Variants in PEMT observed in about 807,000 individuals in gnomAD.
PEMT encodes the protein phosphatidylethanolamine N-methyltransferase, also known as phospholipid methyltransferase.
In PEMT, 23 loss-of-function variants were observed where a neutral mutation model predicts 27.4. That is an observed-to-expected ratio of 0.84 (90% CI 0.60 to 1.19). The LOEUF is 1.19. PEMT is among the 50% of genes most tolerant of loss of function. The pLI is 0.00. For missense variants in PEMT, 307 were observed against 310.1 expected (o/e 0.99, Z 0.07); for synonymous variants, 137 against 139.1 (o/e 0.98, Z 0.11).
intron 2 of PEMT, among the ~76,000 whole-genome samples, chr17:17,547,663 C>CTCCTCCTCCTCATCCTCCTCG (rs1386684359): frequency 6.6e-6 from 1 of 151,964 alleles, no homozygotes; most frequent in Non-Finnish European, 1.5e-5. Context: ...CTTCCTCCTC[C>CTCCTCCTCCTCATCCTCCTCG]TCCTCCTCCT....
At chr17:17,574,315 C>CTTTTTTT (rs551467639) in intron 2 of PEMT, among the ~76,000 whole-genome samples, 3 of 110,692 alleles carry the variant, frequency 2.7e-5, no homozygotes, top group African/African-American at 3.6e-5. Flanking sequence ...CTTACTGCAT[C>CTTTTTTT]TTTTTTTTTT....
At chr17:17,517,923 C>T in intron 3 of PEMT, 1 of 967,508 alleles carries the variant, frequency 1.0e-6, no homozygotes, top group Non-Finnish European at 1.2e-6. Flanking sequence ...AGACCACCTT[C>T]CAGAGACCAC....
chr17:17,522,129 T>G (rs1597884661), intron 3 of PEMT, 151 bp downstream of exon 3: 5 of 622,182 alleles, frequency 8.0e-6, no homozygotes, highest in Admixed American at 2.5e-5. Context: ...CTGGGAGGGG[T>G]AGGGTGGCTT....
At chr17:17,545,376 C>T (rs887029963) in intron 2 of PEMT, among the ~76,000 whole-genome samples, 1 of 152,322 alleles carries the variant, frequency 6.6e-6, no homozygotes, top group Non-Finnish European at 1.5e-5. Context: ...ATGCTCCTCA[C>T]AGTGTTCCTG....
chr17:17,540,493 A>G (rs1908804026), intron 2 of PEMT, among the ~76,000 whole-genome samples: 1 of 152,208 alleles, frequency 6.6e-6, no homozygotes, highest in Non-Finnish European at 1.5e-5. Flanking sequence ...GGCAGGTGGC[A>G]GCAGCCACTG....
chr17:17,523,219 T>C lies in PEMT; in HGVS notation c.205-824A>G, dbSNP rs558220111. Among the ~76,000 whole-genome samples the C allele has an allele frequency of 1.3e-5, 2 of 152,234 alleles. No individual in the cohort carries two copies. The highest frequency in any genetic ancestry group is 1.9e-4 in the East Asian group (1 of 5,148). On this transcript the variant is annotated intron_variant, in intron 2 of 6. Transcript: ENST00000255389. The surrounding 1 kb of genome is among the most constrained non-coding windows in gnomAD (Gnocchi z 4.8). ...GGGGTCAGGGGCTGGGCTCTAGGTA[T>C]GTGAGCAAGTTGTCTGTGGGCCCAG...
chr17:17,585,511 C>A (rs1393010905), intron 1 of PEMT, among the ~76,000 whole-genome samples: 1 of 152,154 alleles, frequency 6.6e-6, no homozygotes, highest in Non-Finnish European at 1.5e-5. Flanking sequence ...GGCAAGGTCA[C>A]CAAGTCTGCC....
intron 2 of PEMT, among the ~76,000 whole-genome samples, chr17:17,533,365 T>C (rs1297869966): frequency 6.6e-6 from 1 of 152,186 alleles, no homozygotes; most frequent in East Asian, 1.9e-4. Flanking sequence ...ATGTAAGAGC[T>C]AAAACTATAA....
chr17:17,535,749 A>G (rs1908419636), intron 2 of PEMT, among the ~76,000 whole-genome samples: 1 of 152,182 alleles, frequency 6.6e-6, no homozygotes, highest in Non-Finnish European at 1.5e-5. Flanking sequence ...CAAGAATGAC[A>G]TATTGTGAGA....
At chr17:17,526,269 C>T (rs189187675) in intron 2 of PEMT, among the ~76,000 whole-genome samples, 1 of 152,262 alleles carries the variant, frequency 6.6e-6, no homozygotes, top group Admixed American at 6.5e-5. Flanking sequence ...AAGAGACAGG[C>T]CCAAGGCAAG....
chr17:17,518,381 C>T (rs768052968), intron 3 of PEMT, among the ~76,000 whole-genome samples: 10 of 152,224 alleles, frequency 6.6e-5, no homozygotes, highest in Non-Finnish European at 1.2e-4. Flanking sequence ...GTGCAGGGGG[C>T]AGCTCAGGCA....
chr17:17,584,100 C>T (rs536713841), intron 1 of PEMT, among the ~76,000 whole-genome samples: 162 of 152,306 alleles, frequency 1.1e-3, no homozygotes, highest in African/African-American at 3.6e-3. Context: ...CTGCTCGCCT[C>T]CACGCTGGGC....
At position 17,570,844 on chromosome 17, in the gene PEMT, T is replaced by C. The variant is rs1911148292; in HGVS notation, c.204+6076A>G. 10 of 984,836 alleles carry C rather than the reference T, an allele frequency of 1.0e-5. No individual in the cohort carries two copies. In the South Asian group the frequency reaches 4.2e-4, roughly 42 times the overall value. 61.0% of individuals were successfully genotyped at this position (984,836 alleles called of 1,614,324 possible). A position where few individuals can be genotyped will look rare whatever the true frequency, so the allele number is the denominator to read the frequency against. On this transcript the variant is annotated intron_variant, in intron 2 of 6. Coordinates refer to ENST00000255389, the MANE Select transcript of PEMT (RefSeq NM_148172.3). ...GGTGATGGCACGAAGCCAGGTAGAG[T>C]CCGCGAGGGTACAGATCCGGGGGCA...
At chr17:17,566,886 A>G (rs1325805082) in intron 2 of PEMT, among the ~76,000 whole-genome samples, 1 of 152,162 alleles carries the variant, frequency 6.6e-6, no homozygotes, top group Non-Finnish European at 1.5e-5. Flanking sequence ...AATGCCTAAG[A>G]AAAGGGAAAG....
chr17:17,559,114 CTG>C (rs1240708213), intron 2 of PEMT, among the ~76,000 whole-genome samples: 1 of 152,214 alleles, frequency 6.6e-6, no homozygotes, highest in Non-Finnish European at 1.5e-5. Flanking sequence ...GACAAGGAAA[CTG>C]AGTCCCAGAG....
At chr17:17,509,234 A>G (rs1273200911) in intron 5 of PEMT, among the ~76,000 whole-genome samples, 200 bp downstream of exon 5, 1 of 152,158 alleles carries the variant, frequency 6.6e-6, no homozygotes, top group Non-Finnish European at 1.5e-5. Flanking sequence ...GAAGCTGACC[A>G]CCCTGTTCTG....
chr17:17,507,004 G>A (rs1179366497), intron 5 of PEMT: 7 of 679,990 alleles, frequency 1.0e-5, no homozygotes, highest in African/African-American at 3.6e-5. Flanking sequence ...AAGGCCGGAT[G>A]GAGCATCGCC....
At chr17:17,539,509 T>G in intron 2 of PEMT, among the ~76,000 whole-genome samples, 1 of 152,250 alleles carries the variant, frequency 6.6e-6, no homozygotes, top group East Asian at 1.9e-4. Context: ...GGGTGTCACA[T>G]GTATCCCCAG....
chr17:17,539,983 A>ACCC (rs1467063249), intron 2 of PEMT, among the ~76,000 whole-genome samples: 1 of 152,146 alleles, frequency 6.6e-6, no homozygotes, highest in African/African-American at 2.4e-5. Context: ...AGGAGGGCCC[A>ACCC]CCCCAGGAGT....
Sources: allele counts gnomAD v4.1 joint callset (sites outside exome capture counted in the v4.1 genomes callset), GRCh38; gene constraint gnomAD v4.1.1; non-coding constraint Gnocchi (gnomAD v3.1); transcripts MANE v1.5; gene names NCBI Gene and HGNC (gene_info 2026-07-23, HGNC 2026-07-21).